The following NPHS2 variants were observed in gnomAD, a reference collection of about 807,000 sequenced individuals.
NPHS2 encodes NPHS2 stomatin family member, podocin.
In NPHS2, 36 loss-of-function variants were observed where a neutral mutation model predicts 37.1. The observed-to-expected ratio is 0.97, with a 90% CI of 0.74 to 1.28. The LOEUF is 1.28. NPHS2 is among the 50% of genes most tolerant of loss of function. The pLI is 0.00. For missense variants in NPHS2, 447 were observed against 488.1 expected (o/e 0.92, Z 0.79); for synonymous variants, 196 against 189.3 (o/e 1.04, Z -0.29).
chr1:179,556,160 G>T lies in NPHS2; in HGVS notation c.738+867C>A, dbSNP rs1052275081. 6.6e-6 allele frequency among the ~76,000 whole-genome samples: 1 copy of T among 152,216 alleles called. No homozygotes were observed. The highest frequency in any genetic ancestry group is 1.5e-5 in the Non-Finnish European group (1 of 68,030). On this transcript the variant is annotated intron_variant, in intron 5 of 7. Transcript: ENST00000367615. The surrounding 1 kb of genome is among the most constrained non-coding windows in gnomAD (Gnocchi z 4.1). ...GGAGAAGGATGAATAAGGAAAGGAGGGTGAAGGGGGACATCCCATAAAGCA... is the reference window on the plus strand; with the variant it reads ...GGAGAAGGATGAATAAGGAAAGGAGTGTGAAGGGGGACATCCCATAAAGCA...
At chr1:179,557,755 A>G (rs1232193054) in intron 4 of NPHS2, among the ~76,000 whole-genome samples, 1 of 152,230 alleles carries the variant, frequency 6.6e-6, no homozygotes, top group Non-Finnish European at 1.5e-5. Flanking sequence ...AGAATTTAAC[A>G]TCAACAATAG....
At position 179,569,328 on chromosome 1, in the gene NPHS2, T is replaced by TCTTTGTTGC. The variant is rs36182369; in HGVS notation, c.275-4536_275-4535insGCAACAAAG. On this transcript the variant is annotated intron_variant, in intron 1 of 7. Coordinates refer to ENST00000367615, the MANE Select transcript of NPHS2 (RefSeq NM_014625.4). ...TAATGGCCTTCTTTGTCCCTTCTGA[T>TCTTTGTTGC]CTTAAAGTCTGTTTTATCAGAGACT... Among the ~76,000 whole-genome samples the TCTTTGTTGC allele has an allele frequency of 5.1e-3, 765 of 151,172 alleles. 8 individuals are homozygous for TCTTTGTTGC. The highest frequency in any genetic ancestry group is 0.018 in the African/African-American group (736 of 41,182).
At chr1:179,564,348 G>T (rs994713186) in intron 2 of NPHS2, among the ~76,000 whole-genome samples, 1 of 152,168 alleles carries the variant, frequency 6.6e-6, no homozygotes, top group African/African-American at 2.4e-5. Flanking sequence ...GAGAAGTTTC[G>T]TGGAAGTGTG....
intron 1 of NPHS2, 83 bp downstream of exon 1, chr1:179,575,508 C>G: frequency 6.4e-7 from 1 of 1,565,486 alleles, no homozygotes; most frequent in Non-Finnish European, 8.7e-7. Context: ...CAGTGGGTCT[C>G]GTGGGGATGA....
intron 3 of NPHS2, among the ~76,000 whole-genome samples, chr1:179,560,180 G>T (rs1229502256): frequency 6.6e-6 from 1 of 152,132 alleles, no homozygotes; most frequent in East Asian, 1.9e-4. Flanking sequence ...AAACTTTAGA[G>T]CCAGCAACCT....
At chr1:179,559,896 T>A in intron 3 of NPHS2, 135 bp from the exon 4 acceptor site, 1 of 631,322 alleles carries the variant, frequency 1.6e-6, no homozygotes, top group Middle Eastern at 2.6e-4. Flanking sequence ...CCATCCCACC[T>A]CCACCTGAGG....
chr1:179,569,837 A>T (rs1674484136), intron 1 of NPHS2, among the ~76,000 whole-genome samples: 2 of 152,124 alleles, frequency 1.3e-5, no homozygotes, highest in Non-Finnish European at 2.9e-5. Flanking sequence ...TCTGGGTTGA[A>T]AATTATTTTC....
intron 1 of NPHS2, among the ~76,000 whole-genome samples, chr1:179,571,308 C>G (rs1344659523): frequency 6.6e-6 from 1 of 152,244 alleles, no homozygotes; most frequent in African/African-American, 2.4e-5. Flanking sequence ...AGTTTTCCAT[C>G]TAACAGTCAG....
intron 7 of NPHS2, 49 bp downstream of exon 7, chr1:179,552,554 G>T: frequency 2.8e-6 from 4 of 1,423,866 alleles, no homozygotes; most frequent in South Asian, 1.2e-5. Flanking sequence ...TGTTCTCCAC[G>T]AGCAGGCCTT....
intron 6 of NPHS2, among the ~76,000 whole-genome samples, chr1:179,553,402 A>G (rs933315668): frequency 6.6e-6 from 1 of 152,262 alleles, no homozygotes; most frequent in Admixed American, 6.5e-5. Context: ...ATAGCCTCAC[A>G]ATGAAATATT....
intron 1 of NPHS2, among the ~76,000 whole-genome samples, chr1:179,572,917 C>G (rs986024660): frequency 6.6e-6 from 1 of 152,048 alleles, no homozygotes. Flanking sequence ...TTTCTGCATC[C>G]TCGGCCTCCT....
chr1:179,575,614 A>G lies in NPHS2; in HGVS notation c.251T>C (p.Leu84Ser). ...GEEGTEVVAL[L>S]ESERPEEGTK... ...ACCTTCCTCGGGCCGCTCGCTCTCC[A>G]ACAGCGCCACCACCTCGGTGCCCTC... The change falls in exon 1 of 8, where the codon TTG becomes TCG. Residue 84 changes from leucine to serine, a missense_variant. Coordinates refer to ENST00000367615, the MANE Select transcript of NPHS2 (RefSeq NM_014625.4). 6.2e-7 allele frequency: 1 copy of G among 1,602,986 alleles called. No individual in the cohort carries two copies.
chr1:179,566,072 G>A (rs1195302967), intron 1 of NPHS2, among the ~76,000 whole-genome samples: 1 of 152,048 alleles, frequency 6.6e-6, no homozygotes, highest in Non-Finnish European at 1.5e-5. Flanking sequence ...TAATCCTTTG[G>A]GTATATACCC....
chr1:179,550,790 T>C lies in NPHS2; in HGVS notation c.*383A>G. 3.3e-6 allele frequency: 1 copy of C among 306,184 alleles called. No individual in the cohort carries two copies. The allele number at this position is 306,184 out of a possible 1,614,324, so 19.0% of individuals were successfully genotyped here. A position where few individuals can be genotyped will look rare whatever the true frequency, so the allele number is the denominator to read the frequency against. On this transcript the variant is annotated 3_prime_UTR_variant, in exon 8 of 8. Coordinates refer to ENST00000367615, the MANE Select transcript of NPHS2 (RefSeq NM_014625.4). ...GTGTGACAAGCCCAATGATAGGTGC[T>C]TGTAGGAAGGGCTGTGGGAGCTGTG...
intron 4 of NPHS2, 63 bp from the exon 5 acceptor site, chr1:179,557,293 G>A (rs1451901711): frequency 7.5e-7 from 1 of 1,332,114 alleles, no homozygotes; most frequent in Non-Finnish European, 1.1e-6. Flanking sequence ...TGTGGGGTTA[G>A]AGGAACTAAA....
chr1:179,567,215 A>G (rs1332610129), intron 1 of NPHS2, among the ~76,000 whole-genome samples: 2 of 152,236 alleles, frequency 1.3e-5, no homozygotes, highest in East Asian at 3.9e-4. Context: ...ATGTTCTCCC[A>G]TTTGTTTCTA....
chr1:179,554,573 T>C (rs1479386335), intron 5 of NPHS2, 42 bp from the exon 6 acceptor site: 1 of 1,613,812 alleles, frequency 6.2e-7, no homozygotes, highest in East Asian at 2.2e-5. Flanking sequence ...AGCCTCCAGG[T>C]GGGAGGAGAG....
intron 5 of NPHS2, among the ~76,000 whole-genome samples, chr1:179,555,529 C>T (rs1673881544): frequency 6.6e-6 from 1 of 152,164 alleles, no homozygotes; most frequent in South Asian, 2.1e-4. Flanking sequence ...AGTGGTTAGA[C>T]AAACAGTAAG....
chr1:179,551,422 A>G lies in NPHS2; in HGVS notation c.903T>C (p.Ala301=). The change falls in exon 8 of 8, where the codon GCT becomes GCC. Residue 301 remains alanine, a synonymous_variant. Transcript: ENST00000367615. ...RMIAAEAEKA[A]SESLRMAAEI... ...CAGCTGCCATCCTCAGGGACTCAGAAGCAGCCTTTTCCGCTTCTGCAGCAA... is the reference window on the plus strand; with the variant it reads ...CAGCTGCCATCCTCAGGGACTCAGAGGCAGCCTTTTCCGCTTCTGCAGCAA... 1 of 1,613,884 alleles carries G rather than the reference A, an allele frequency of 6.2e-7. No homozygotes were observed. The highest frequency in any genetic ancestry group is 1.1e-5 in the South Asian group (1 of 91,066).
Sources: allele counts gnomAD v4.1 joint callset (sites outside exome capture counted in the v4.1 genomes callset), GRCh38; gene constraint gnomAD v4.1.1; non-coding constraint Gnocchi (gnomAD v3.1); transcripts MANE v1.5; gene names NCBI Gene and HGNC (gene_info 2026-07-23, HGNC 2026-07-21).